Variants in CTNNBL1 observed in about 807,000 individuals in gnomAD.
CTNNBL1 encodes catenin beta like 1.
CTNNBL1 carries 31 observed loss-of-function variants against 72.7 expected under a neutral mutation model. The ratio of observed to expected loss-of-function variants is 0.43; its 90% CI spans 0.32 to 0.58. The LOEUF (loss-of-function observed/expected upper bound fraction) is 0.58. CTNNBL1 is among the 20% of genes least tolerant of loss of function. The pLI is 0.08. For missense variants in CTNNBL1, 534 were observed against 725.1 expected, an observed-to-expected ratio of 0.74 and a Z score of 3.03; for synonymous variants, 240 against 267.3, an observed-to-expected ratio of 0.90 and a Z score of 1.00.
At chr20:37,854,475 C>A (rs2072421482) in intron 13 of CTNNBL1, among the ~76,000 whole-genome samples, 1 of 151,764 alleles carries the variant, frequency 6.6e-6, no homozygotes, top group South Asian at 2.1e-4. Flanking sequence ...GTTCTGCCAC[C>A]CACTAGCCTT....
At chr20:37,837,374 A>G (rs1568803849) in intron 11 of CTNNBL1, among the ~76,000 whole-genome samples, 1 of 152,064 alleles carries the variant, frequency 6.6e-6, no homozygotes, top group Non-Finnish European at 1.5e-5. Flanking sequence ...GCTTTACATA[A>G]AAGTTGAAAG....
intron 1 of CTNNBL1, among the ~76,000 whole-genome samples, chr20:37,709,256 G>C (rs544210185): frequency 3.9e-5 from 6 of 152,266 alleles, no homozygotes; most frequent in African/African-American, 1.4e-4. Context: ...AGTTTTGCTG[G>C]CATTATTTTT....
At chr20:37,789,666 G>A (rs1319767047) in intron 10 of CTNNBL1, among the ~76,000 whole-genome samples, 1 of 152,222 alleles carries the variant, frequency 6.6e-6, no homozygotes, top group Non-Finnish European at 1.5e-5. Flanking sequence ...GCTACAAATA[G>A]AAGATTCCAA....
Position 37,746,605 on chromosome 20 carries a change from C to T in CTNNBL1, c.464C>T (p.Thr155Ile). 1 of 1,612,614 alleles carries T rather than the reference C, an allele frequency of 6.2e-7. No individual in the cohort carries two copies. The change falls in exon 4 of 16, where the codon ACA becomes ATA. Residue 155 changes from threonine (T) to isoleucine (I), a missense_variant and splice_region_variant. By Grantham distance (89) the Thr-to-Ile change is moderately conservative. Transcript: ENST00000361383. The part of the protein sequence containing the change: ...SLLGLLGHDN[T>I]DVSIAVVDLL... ...CTCGGCTTGCTCGGACACGATAATA[C>T]AGATATCCTTTCAGATCTGACCTCA...
chr20:37,780,358 A>T (rs1052387934), intron 10 of CTNNBL1, among the ~76,000 whole-genome samples: 1 of 152,184 alleles, frequency 6.6e-6, no homozygotes, highest in African/African-American at 2.4e-5. Context: ...AGTACTGGGC[A>T]TACACAGAAA....
At chr20:37,714,116 G>A (rs184724767) in intron 1 of CTNNBL1, among the ~76,000 whole-genome samples, 100 of 152,004 alleles carry the variant, frequency 6.6e-4, no homozygotes, top group African/African-American at 2.4e-3. Context: ...AACTGCCGCA[G>A]AATCCTGCCA....
At chr20:37,721,635 A>G (rs1293663244) in intron 1 of CTNNBL1, among the ~76,000 whole-genome samples, 3 of 152,164 alleles carry the variant, frequency 2.0e-5, no homozygotes, top group Admixed American at 6.5e-5. Context: ...ACTCTTCCCT[A>G]ATCTCATTTC....
intron 9 of CTNNBL1, 145 bp downstream of exon 9, chr20:37,777,857 G>A: frequency 1.3e-6 from 1 of 769,160 alleles, no homozygotes; most frequent in Non-Finnish European, 2.3e-6. Flanking sequence ...TATACGGAGG[G>A]ACATGGTTTG....
intron 10 of CTNNBL1, among the ~76,000 whole-genome samples, chr20:37,782,151 A>G (rs1206593858): frequency 6.6e-6 from 1 of 152,224 alleles, no homozygotes; most frequent in East Asian, 1.9e-4. Context: ...TGCTAGGTTT[A>G]TACAGAGATG....
chr20:37,752,298 A>G (rs1022617319), intron 4 of CTNNBL1, among the ~76,000 whole-genome samples: 1 of 152,190 alleles, frequency 6.6e-6, no homozygotes, highest in Admixed American at 6.6e-5. Context: ...ATAAGAGTCC[A>G]GGTTCATTCT....
At chr20:37,725,071 A>G (rs2073072103) in intron 1 of CTNNBL1, among the ~76,000 whole-genome samples, 1 of 151,818 alleles carries the variant, frequency 6.6e-6, no homozygotes, top group African/African-American at 2.4e-5. Context: ...ATGCTCGGCT[A>G]ATTTTTTAAA....
chr20:37,701,296 G>A (rs565531835), intron 1 of CTNNBL1, among the ~76,000 whole-genome samples: 5 of 152,204 alleles, frequency 3.3e-5, no homozygotes, highest in African/African-American at 9.6e-5. Context: ...TCCGGTTTTT[G>A]TTCTTGGAGA....
chr20:37,792,368 CT>C (rs2073732385), intron 10 of CTNNBL1, among the ~76,000 whole-genome samples: 1 of 151,868 alleles, frequency 6.6e-6, no homozygotes, highest in African/African-American at 2.4e-5. Flanking sequence ...GAGATCAGTT[CT>C]CGCTACATTG....
At chr20:37,744,706 T>G (rs962545430) in intron 3 of CTNNBL1, 1 of 152,142 alleles carries the variant, frequency 6.6e-6, no homozygotes, top group Non-Finnish European at 1.5e-5. Context: ...CCCATAGCAG[T>G]TTGTCAGGTA....
chr20:37,850,795 G>A (rs545552832), intron 13 of CTNNBL1, among the ~76,000 whole-genome samples: 4 of 152,296 alleles, frequency 2.6e-5, no homozygotes, highest in Admixed American at 2.6e-4. Flanking sequence ...CCCATGACTG[G>A]AGACCCGAGT....
chr20:37,870,062 T>TA (rs888322326), intron 15 of CTNNBL1, among the ~76,000 whole-genome samples: 4 of 145,682 alleles, frequency 2.7e-5, no homozygotes, highest in East Asian at 4.0e-4. Flanking sequence ...ACGAGGACAC[T>TA]AAAAAAAAAG....
chr20:37,860,413 C>T, intron 15 of CTNNBL1, 69 bp downstream of exon 15: 1 of 1,243,466 alleles, frequency 8.0e-7, no homozygotes, highest in Non-Finnish European at 1.2e-6. Context: ...GAGCCTCTGT[C>T]AGTATCCCTG....
chr20:37,798,706 A>G (rs1355975605), intron 10 of CTNNBL1, among the ~76,000 whole-genome samples: 1 of 151,506 alleles, frequency 6.6e-6, no homozygotes, highest in Non-Finnish European at 1.5e-5. Flanking sequence ...CTTAGGCAGG[A>G]AAAAAAAAGA....
In CTNNBL1 at chr20:37,737,481, A is replaced by G; in HGVS notation, c.323A>G (p.Glu108Gly). ...CGGATTAAGTTTCCAGACAATCCAG[A>G]GAAGTAAGGTTCTGTTCCACTGATA... ...ELRIKFPDNP[E>G]KFMESELDLN... The change falls in exon 3 of 16, where the codon GAG becomes GGG. Residue 108 changes from glutamate (E) to glycine (G), a missense_variant. Physicochemically the swap from Glu to Gly is moderately conservative, Grantham distance 98. Coordinates refer to ENST00000361383, the MANE Select transcript of CTNNBL1 (RefSeq NM_030877.5). The G allele has an allele frequency of 6.2e-7, 1 of 1,602,056 alleles. No homozygotes were observed. Among genetic ancestry groups the G allele is most frequent in the Non-Finnish European group, 8.5e-7 (1 of 1,170,254 alleles).
Sources: gnomAD v4.1 joint callset for allele counts (sites outside exome capture counted in the v4.1 genomes callset) on GRCh38, gnomAD v4.1.1 for gene constraint, MANE v1.5 for transcripts, NCBI Gene and HGNC (gene_info 2026-07-23, HGNC 2026-07-21) for gene names.